CCDC171: variants seen among roughly 807,000 people sequenced by gnomAD.
The protein encoded by CCDC171 is coiled-coil domain-containing protein 171.
Under a neutral mutation model 168.2 loss-of-function variants are expected in CCDC171, and 177 were observed. That is an observed-to-expected ratio of 1.05 (90% confidence interval 0.93 to 1.19). The LOEUF is 1.19. Ranked by LOEUF, CCDC171 falls within the 50% of genes most tolerant of loss-of-function variation. CCDC171 has a pLI of 0.00. For missense variants in CCDC171, 1,991 were observed against 1,539.0 expected, an observed-to-expected ratio of 1.29 and a Z score of -4.91; for synonymous variants, 687 against 540.8, an observed-to-expected ratio of 1.27 and a Z score of -3.75.
chr9:15,592,811 A>G lies in CCDC171; in HGVS notation c.544-1230A>G, dbSNP rs113020851. ...GGTAGAAGATTTTGATCTGATCTCA[A>G]TTAGCTACTTAGGAGAATTGTGGTT... On this transcript the variant is annotated intron_variant, in intron 5 of 25. Transcript: ENST00000380701. Among the ~76,000 whole-genome samples the G allele has an allele frequency of 3.0e-4, 45 of 152,132 alleles. 2 individuals are homozygous for G. Among genetic ancestry groups the G allele is most frequent in the African/African-American group, 8.9e-4 (37 of 41,516 alleles).
chr9:15,867,740 C>A (rs1050805246), intron 23 of CCDC171, among the ~76,000 whole-genome samples: 8 of 151,988 alleles, frequency 5.3e-5, no homozygotes, highest in African/African-American at 1.9e-4. Context: ...TTAAACACAT[C>A]TAAATAACTA....
At chr9:16,085,853 G>C in the CCDC171 span, among the ~76,000 whole-genome samples, 1 of 152,218 alleles carries the variant, frequency 6.6e-6, no homozygotes, top group Non-Finnish European at 1.5e-5. Flanking sequence ...GAATGGGAGT[G>C]AGAAGGGGAA....
chr9:15,793,427 A>G (rs1011914483), intron 21 of CCDC171, among the ~76,000 whole-genome samples: 1 of 152,130 alleles, frequency 6.6e-6, no homozygotes, highest in East Asian at 1.9e-4. Flanking sequence ...AGAAAGTTAA[A>G]AAGGATATCC....
intron 23 of CCDC171, among the ~76,000 whole-genome samples, chr9:15,867,920 T>C (rs1588924272): frequency 6.6e-6 from 1 of 152,094 alleles, no homozygotes; most frequent in East Asian, 1.9e-4. Flanking sequence ...ATATAGCCTA[T>C]GCTACAGATT....
intron 1 of CCDC171, among the ~76,000 whole-genome samples, chr9:15,559,581 C>T (rs559850640): frequency 6.6e-6 from 1 of 151,972 alleles, no homozygotes; most frequent in Non-Finnish European, 1.5e-5. Flanking sequence ...TTTCCATTTG[C>T]TTGGCAGATC....
At chr9:15,778,021 G>C (rs1052754363) in intron 19 of CCDC171, among the ~76,000 whole-genome samples, 195 bp downstream of exon 19, 1 of 152,158 alleles carries the variant, frequency 6.6e-6, no homozygotes, top group African/African-American at 2.4e-5. Flanking sequence ...TCACTGGCCG[G>C]GCGCGGTGGC....
chr9:16,079,474 A>C, the CCDC171 span, among the ~76,000 whole-genome samples: 14 of 152,218 alleles, frequency 9.2e-5, no homozygotes, highest in Non-Finnish European at 1.5e-4. Context: ...GTGAGGATGA[A>C]GGCAGAGATC....
intron 9 of CCDC171, among the ~76,000 whole-genome samples, chr9:15,670,511 T>G (rs1392149266): frequency 6.6e-6 from 1 of 152,164 alleles, no homozygotes; most frequent in Non-Finnish European, 1.5e-5. Context: ...CTTCTGATAT[T>G]TGATTTCATA....
At chr9:15,864,615 A>T (rs1459770225) in intron 23 of CCDC171, among the ~76,000 whole-genome samples, 1 of 152,074 alleles carries the variant, frequency 6.6e-6, no homozygotes. Context: ...AATGTGCCTA[A>T]GTATTTCTAT....
At chr9:15,884,451 G>C (rs1343393759) in intron 24 of CCDC171, among the ~76,000 whole-genome samples, 1 of 152,160 alleles carries the variant, frequency 6.6e-6, no homozygotes, top group African/African-American at 2.4e-5. Context: ...AAGTAAATCA[G>C]ATTATATGGA....
intron 21 of CCDC171, among the ~76,000 whole-genome samples, chr9:15,845,110 A>G (rs930262075): frequency 6.6e-6 from 1 of 152,160 alleles, no homozygotes; most frequent in Admixed American, 6.6e-5. Context: ...GATGTCAGAA[A>G]TGCTGACTTT....
chr9:15,817,980 C>T (rs13295963), intron 21 of CCDC171, among the ~76,000 whole-genome samples: 16,765 of 116,368 alleles, frequency 0.14, 5,630 homozygotes, highest in Non-Finnish European at 0.22. Context: ...CGGCCGGGTA[C>T]TCCTCTGAGA....
intron 1 of CCDC171, among the ~76,000 whole-genome samples, chr9:16,048,392 A>G (rs967619888): frequency 6.6e-6 from 1 of 152,190 alleles, no homozygotes; most frequent in East Asian, 1.9e-4. Flanking sequence ...TTGCCTTGGA[A>G]GGTCCCATCT....
At chr9:15,801,623 A>G (rs182782574) in intron 21 of CCDC171, among the ~76,000 whole-genome samples, 1 of 152,028 alleles carries the variant, frequency 6.6e-6, no homozygotes, top group East Asian at 1.9e-4. Context: ...CTCTTGTTTG[A>G]TTGCTCGAGC....
the CCDC171 span, among the ~76,000 whole-genome samples, chr9:16,099,970 G>T: frequency 6.7e-6 from 1 of 149,858 alleles, no homozygotes; most frequent in Non-Finnish European, 1.5e-5. Flanking sequence ...GACTCTTTGA[G>T]AAACCAACGC....
intron 9 of CCDC171, among the ~76,000 whole-genome samples, chr9:15,672,611 C>T (rs1372078933): frequency 6.6e-6 from 1 of 152,126 alleles, no homozygotes; most frequent in Non-Finnish European, 1.5e-5. Flanking sequence ...ATAGGGAATC[C>T]TTTCCCCGTT....
intron 25 of CCDC171, among the ~76,000 whole-genome samples, chr9:15,952,396 G>T (rs1019697020): frequency 6.6e-6 from 1 of 151,940 alleles, no homozygotes; most frequent in Non-Finnish European, 1.5e-5. Flanking sequence ...TTTTAAGATG[G>T]ATTTTGCTTT....
At chr9:15,824,485 A>T (rs933386052) in intron 21 of CCDC171, among the ~76,000 whole-genome samples, 4 of 151,942 alleles carry the variant, frequency 2.6e-5, no homozygotes, top group Admixed American at 2.6e-4. Context: ...GGTCCCTTTC[A>T]ACAGTTAGTG....
chr9:15,678,045 G>C (rs1231030871), intron 9 of CCDC171, among the ~76,000 whole-genome samples: 2 of 149,642 alleles, frequency 1.3e-5, no homozygotes, highest in East Asian at 4.0e-4. Context: ...GAGTATCTGG[G>C]ACTACAGACA....
Sources: allele counts gnomAD v4.1 joint callset (sites outside exome capture counted in the v4.1 genomes callset), GRCh38; gene constraint gnomAD v4.1.1; transcripts MANE v1.5; gene names NCBI Gene and HGNC (gene_info 2026-07-23, HGNC 2026-07-21).